The following PHRF1 variants were observed in gnomAD, a reference collection of about 807,000 sequenced individuals.
PHRF1 encodes the protein PHD and ring finger domains 1.
Under a neutral mutation model 128.9 loss-of-function variants are expected in PHRF1, and 53 were observed. That is an observed-to-expected ratio of 0.41 (90% CI 0.33 to 0.52). The LOEUF is 0.52. Ranked by LOEUF, PHRF1 falls within the 20% of genes least tolerant of loss-of-function variation. The probability of loss-of-function intolerance (pLI) is 0.21; values close to 1 mark genes in which losing one functional copy is unlikely to be tolerated. For missense variants in PHRF1, 2,503 were observed against 2,284.5 expected, an observed-to-expected ratio of 1.10 and a Z score of -1.95; for synonymous variants, 1,178 against 980.6, an observed-to-expected ratio of 1.20 and a Z score of -3.76.
chr11:592,772 T>G, intron 6 of PHRF1, 98 bp downstream of exon 6: 1 of 1,326,630 alleles, frequency 7.5e-7, no homozygotes, highest in Non-Finnish European at 1.1e-6. Flanking sequence ...GAAGTCTGAG[T>G]CCCAGCACCT....
intron 9 of PHRF1, among the ~76,000 whole-genome samples, chr11:600,901 G>C (rs1855588243): frequency 6.6e-6 from 1 of 152,222 alleles, no homozygotes; most frequent in Non-Finnish European, 1.5e-5. Flanking sequence ...GGGAGGCAGA[G>C]ATTGCAGTGA....
chr11:604,328 A>G (rs1410808028), intron 10 of PHRF1, among the ~76,000 whole-genome samples: 1 of 152,144 alleles, frequency 6.6e-6, no homozygotes, highest in Non-Finnish European at 1.5e-5. Flanking sequence ...GAGGGTGTTC[A>G]CCCTTGGGAG....
Position 598,288 on chromosome 11 carries a change from G to C in PHRF1, c.895-85G>C, listed in dbSNP as rs114040080. ...CCTGCTTCTCTGGCTGCCATTGTGG[G>C]CTGTGTTCTGGGCTCCATTTGGGGT... On this transcript the variant is annotated intron_variant, in intron 8 of 17. Coordinates refer to ENST00000264555, the MANE Select transcript of PHRF1 (RefSeq NM_001286581.2). 1.2e-3 allele frequency: 1,819 copies of C among 1,483,882 alleles called. 19 individuals carry two copies. The African/African-American group carries it at 0.02, about 16-fold the overall frequency. The allele number at this position is 1,483,882 out of a possible 1,614,324, so 91.9% of individuals were successfully genotyped here.
chr11:595,682 G>A (rs939869042), intron 6 of PHRF1, among the ~76,000 whole-genome samples: 1 of 152,262 alleles, frequency 6.6e-6, no homozygotes, highest in Non-Finnish European at 1.5e-5. Context: ...CGCCTGCCAG[G>A]CGCAGAGGGG....
intron 10 of PHRF1, 108 bp from the exon 11 acceptor site, chr11:605,011 G>T (rs1217909255): frequency 1.7e-6 from 2 of 1,149,646 alleles, no homozygotes; most frequent in Non-Finnish European, 2.4e-6. Flanking sequence ...GTATTTTCCG[G>T]CTCTAGTGTT....
chr11:604,889 A>G (rs1434966827), intron 10 of PHRF1, among the ~76,000 whole-genome samples: 1 of 152,292 alleles, frequency 6.6e-6, no homozygotes, highest in South Asian at 2.1e-4. Flanking sequence ...TGATGGTGAC[A>G]CTGCAATGCC....
In PHRF1 at chr11:589,029, G is replaced by C. The variant is rs181354079; in HGVS notation, c.420+1565G>C. 2.0e-3 allele frequency among the ~76,000 whole-genome samples: 301 copies of C among 151,990 alleles called. 3 individuals are homozygous for C. Among genetic ancestry groups the C allele is most frequent in the African/African-American group, 6.9e-3 (286 of 41,450 alleles). On this transcript the variant is annotated intron_variant, in intron 4 of 17. Transcript: ENST00000264555. Reference sequence around the variant, plus strand: ...CACGTACCTGTAGTCCCAGCTACTCGGGAGGCTGAGGCAGGAGAATCACTT... The same window carrying C: ...CACGTACCTGTAGTCCCAGCTACTCCGGAGGCTGAGGCAGGAGAATCACTT...
At chr11:604,622 C>G (rs953327916) in intron 10 of PHRF1, among the ~76,000 whole-genome samples, 2 of 152,160 alleles carry the variant, frequency 1.3e-5, no homozygotes, top group African/African-American at 4.8e-5. Flanking sequence ...TCAAGCAGTT[C>G]TCTTGCCTCA....
In PHRF1 at chr11:578,168, C is replaced by G. The variant is rs1260454611; in HGVS notation, c.-22+1576C>G. ...GGCTCCCATTAACCCAGCATCCTAA[C>G]TACAGGTCCTGGTGGTCCCAAACAG... On this transcript the variant is annotated intron_variant, in intron 1 of 17. Transcript: ENST00000264555. Among the ~76,000 whole-genome samples, 3 of 152,246 alleles carry G rather than the reference C, an allele frequency of 2.0e-5. No individual in the cohort carries two copies. In the East Asian group the frequency reaches 5.8e-4, roughly 29 times the overall value.
intron 13 of PHRF1, 188 bp downstream of exon 13, chr11:606,784 G>C (rs1366700314): frequency 2.1e-6 from 2 of 938,998 alleles, no homozygotes; most frequent in Non-Finnish European, 1.5e-6. Flanking sequence ...TTCTTACCCA[G>C]CCCCACAGCT....
chr11:581,863 C>T, intron 2 of PHRF1, 99 bp from the exon 3 acceptor site: 1 of 1,445,238 alleles, frequency 6.9e-7, no homozygotes, highest in East Asian at 2.5e-5. Flanking sequence ...AGCCGTTTGG[C>T]AGGTGCTCCT....
intron 3 of PHRF1, 118 bp from the exon 4 acceptor site, chr11:587,141 G>T: frequency 1.1e-6 from 1 of 886,258 alleles, no homozygotes; most frequent in Middle Eastern, 3.4e-4. Flanking sequence ...AGCCTGCGGG[G>T]AGGTGGGCTG....
chr11:603,729 GTTTTTTTTTTTTT>G (rs71022937), intron 10 of PHRF1, among the ~76,000 whole-genome samples: 1 of 78,228 alleles, frequency 1.3e-5, no homozygotes, highest in East Asian at 4.0e-4. Flanking sequence ...ATTTAAGTTT[GTTTTTTTTTTTTT>G]TTTTTTTTTG....
At chr11:593,686 C>T (rs570837715) in intron 6 of PHRF1, among the ~76,000 whole-genome samples, 9 of 152,350 alleles carry the variant, frequency 5.9e-5, no homozygotes, top group South Asian at 2.1e-4. Flanking sequence ...TTTGTCTCAT[C>T]GTCAGTTCGC....
chr11:590,954 C>T (rs1304806256), intron 4 of PHRF1, among the ~76,000 whole-genome samples: 5 of 152,174 alleles, frequency 3.3e-5, no homozygotes, highest in Non-Finnish European at 5.9e-5. Context: ...CTGCCTGCCT[C>T]GGCCTCCCAA....
chr11:584,286 A>G (rs1854392579), intron 3 of PHRF1, among the ~76,000 whole-genome samples: 2 of 152,218 alleles, frequency 1.3e-5, no homozygotes, highest in Admixed American at 1.3e-4. Context: ...GTGGGCCGTC[A>G]GGGCCGCCAG....
At chr11:582,148 A>G (rs1233088886) in intron 3 of PHRF1, 67 bp downstream of exon 3, 44 of 1,545,976 alleles carry the variant, frequency 2.8e-5, no homozygotes, top group Non-Finnish European at 3.5e-5. Context: ...AGCCTTTTAT[A>G]ACACATCCTC....
chr11:604,171 G>A (rs1475814431), intron 10 of PHRF1, among the ~76,000 whole-genome samples: 1 of 152,228 alleles, frequency 6.6e-6, no homozygotes, highest in Non-Finnish European at 1.5e-5. Flanking sequence ...GGTGCCCTGA[G>A]CCTGGGTTGG....
chr11:582,760 G>A (rs1025902278), intron 3 of PHRF1, among the ~76,000 whole-genome samples: 4 of 151,668 alleles, frequency 2.6e-5, no homozygotes, highest in Non-Finnish European at 4.4e-5. Flanking sequence ...TCCTGACCTC[G>A]TGATCCGCCC....
Sources: allele counts gnomAD v4.1 joint callset (sites outside exome capture counted in the v4.1 genomes callset), GRCh38; gene constraint gnomAD v4.1.1; transcripts MANE v1.5; gene names NCBI Gene and HGNC (gene_info 2026-07-23, HGNC 2026-07-21).